The following DLG2 variants were observed in gnomAD, a reference collection of about 807,000 sequenced individuals.
The protein encoded by DLG2 is disks large homolog 2.
DLG2 carries 45 observed loss-of-function variants against 132.5 expected under a neutral mutation model. That is an observed-to-expected ratio of 0.34 (90% CI 0.27 to 0.44). The LOEUF is 0.44. DLG2 is among the 20% of genes least tolerant of loss of function. The probability of loss-of-function intolerance (pLI) is 1.00; values close to 1 mark genes in which losing one functional copy is unlikely to be tolerated. For missense variants in DLG2, 1,045 were observed against 1,196.9 expected, an observed-to-expected ratio of 0.87 and a Z score of 1.87; for synonymous variants, 424 against 419.6, an observed-to-expected ratio of 1.01 and a Z score of -0.13.
chr11:85,485,491 GTAAA>G (rs1183716917), intron 3 of DLG2, among the ~76,000 whole-genome samples: 1 of 152,134 alleles, frequency 6.6e-6, no homozygotes, highest in Non-Finnish European at 1.5e-5. Context: ...AACCAGAATA[GTAAA>G]TAAACACTTT....
intron 3 of DLG2, among the ~76,000 whole-genome samples, chr11:85,438,192 T>C (rs1407056572): frequency 6.6e-6 from 1 of 152,060 alleles, no homozygotes; most frequent in Non-Finnish European, 1.5e-5. Flanking sequence ...AACTCACTCA[T>C]TACCCTAAGG....
At chr11:84,609,436 C>CCGTAATTCT (rs1311051625) in intron 6 of DLG2, among the ~76,000 whole-genome samples, 6 of 152,008 alleles carry the variant, frequency 3.9e-5, no homozygotes, top group East Asian at 1.9e-4. Context: ...AAAAGAAGCA[C>CCGTAATTCT]CGTAATTCTC....
intron 18 of DLG2, among the ~76,000 whole-genome samples, chr11:83,753,464 G>A (rs1593672860): frequency 6.6e-6 from 1 of 151,572 alleles, no homozygotes; most frequent in East Asian, 1.9e-4. Flanking sequence ...CAAAAACTGA[G>A]ATCTCTCCAC....
intron 18 of DLG2, among the ~76,000 whole-genome samples, chr11:83,708,024 A>T (rs2084461943): frequency 6.6e-6 from 1 of 152,230 alleles, no homozygotes; most frequent in Non-Finnish European, 1.5e-5. Context: ...AAAAAGCATG[A>T]TACTAATTGT....
At chr11:84,221,484 T>A (rs2096915979) in intron 8 of DLG2, among the ~76,000 whole-genome samples, 1 of 151,846 alleles carries the variant, frequency 6.6e-6, no homozygotes. Context: ...AATAATAATA[T>A]TAAGAAGCAG....
In DLG2 at chr11:83,455,335, GAAA is replaced by G. The variant is rs1232640097; in HGVS notation, c.*4480_*4482del. ...CCATCCTGTGCTACAGCTCGGTGGA[GAAA>G]CATCCTGTCAGAGAGAAGCACAAAA... On this transcript the variant is annotated 3_prime_UTR_variant, in exon 28 of 28. Transcript: ENST00000376104. 6.6e-6 allele frequency: 1 copy of G among 152,620 alleles called. No individual in the cohort carries two copies. The highest frequency in any genetic ancestry group is 1.5e-5 in the Non-Finnish European group (1 of 68,072). The allele number at this position is 152,620 out of a possible 1,614,324, so 9.5% of individuals were successfully genotyped here.
At position 85,433,716 on chromosome 11, in the gene DLG2, T is replaced by C. The variant is rs371623138; in HGVS notation, c.41-148351A>G. Among the ~76,000 whole-genome samples, 8 of 152,202 alleles carry C rather than the reference T, an allele frequency of 5.3e-5. No individual in the cohort carries two copies. The East Asian group carries it at 7.7e-4, about 15-fold the overall frequency. ...AGACTTAGACTCCCACACAAGAATATTGGGAGACTTTAACACCCAGCTATC... is the reference window on the plus strand; with the variant it reads ...AGACTTAGACTCCCACACAAGAATACTGGGAGACTTTAACACCCAGCTATC... On this transcript the variant is annotated intron_variant, in intron 3 of 27. Coordinates refer to ENST00000376104, the MANE Select transcript of DLG2 (RefSeq NM_001142699.3).
At chr11:85,414,739 T>G (rs1381661165) in intron 3 of DLG2, among the ~76,000 whole-genome samples, 1 of 152,036 alleles carries the variant, frequency 6.6e-6, no homozygotes, top group African/African-American at 2.4e-5. Flanking sequence ...GTCTCATTTC[T>G]TACATCTATT....
intron 6 of DLG2, among the ~76,000 whole-genome samples, chr11:84,627,870 A>G (rs1196155054): frequency 6.6e-6 from 1 of 152,090 alleles, no homozygotes; most frequent in Non-Finnish European, 1.5e-5. Flanking sequence ...AGATCTCATG[A>G]GAACTCACTC....
At chr11:84,782,553 T>A (rs527249496) in intron 6 of DLG2, among the ~76,000 whole-genome samples, 3 of 152,114 alleles carry the variant, frequency 2.0e-5, no homozygotes, top group African/African-American at 7.2e-5. Context: ...CTGGAAGATC[T>A]ATGAATCCCG....
intron 3 of DLG2, among the ~76,000 whole-genome samples, chr11:85,528,896 A>G (rs2074986874): frequency 6.6e-6 from 1 of 152,214 alleles, no homozygotes; most frequent in Admixed American, 6.5e-5. Context: ...CAAGGGAAAT[A>G]CAGAGGTGTG....
At chr11:83,705,083 A>C (rs1230801605) in intron 18 of DLG2, among the ~76,000 whole-genome samples, 1 of 152,190 alleles carries the variant, frequency 6.6e-6, no homozygotes, top group Non-Finnish European at 1.5e-5. Context: ...TTAAAAAATA[A>C]AGCATAGACA....
intron 4 of DLG2, among the ~76,000 whole-genome samples, chr11:85,198,813 C>G (rs759491287): frequency 6.6e-4 from 101 of 152,250 alleles, no homozygotes; most frequent in Admixed American, 1.2e-3. Flanking sequence ...CCTCAAGTCA[C>G]TTGCCACACT....
intron 11 of DLG2, among the ~76,000 whole-genome samples, chr11:84,014,813 C>T (rs924387726): frequency 3.3e-5 from 5 of 151,362 alleles, no homozygotes; most frequent in Non-Finnish European, 7.4e-5. Context: ...GTGCACCTGC[C>T]TACATCCTAA....
intron 3 of DLG2, among the ~76,000 whole-genome samples, chr11:85,343,315 C>T (rs1451159383): frequency 6.6e-6 from 1 of 152,112 alleles, no homozygotes; most frequent in African/African-American, 2.4e-5. Context: ...CTGAATTTGT[C>T]TAACTGCTAC....
intron 4 of DLG2, among the ~76,000 whole-genome samples, chr11:85,222,932 T>G (rs769895009): frequency 6.6e-6 from 1 of 152,212 alleles, no homozygotes; most frequent in Non-Finnish European, 1.5e-5. Context: ...CTCAACAGTT[T>G]GTAAGAACCC....
At chr11:85,205,352 G>C (rs181484693) in intron 4 of DLG2, among the ~76,000 whole-genome samples, 298 of 152,024 alleles carry the variant, frequency 2.0e-3, no homozygotes, top group Non-Finnish European at 3.5e-3. Context: ...CATGGAGGTA[G>C]AAAATATAAT....
At chr11:85,024,358 C>G (rs1243087822) in intron 6 of DLG2, among the ~76,000 whole-genome samples, 2 of 152,112 alleles carry the variant, frequency 1.3e-5, no homozygotes, top group Non-Finnish European at 2.9e-5. Flanking sequence ...GTTAAACAAC[C>G]TCAAGGTAAA....
At chr11:84,658,812 TG>T (rs1423606569) in intron 6 of DLG2, among the ~76,000 whole-genome samples, 1 of 152,190 alleles carries the variant, frequency 6.6e-6, no homozygotes, top group African/African-American at 2.4e-5. Flanking sequence ...TACAGCCTGC[TG>T]AACTATAAGC....
Sources: allele counts gnomAD v4.1 joint callset (sites outside exome capture counted in the v4.1 genomes callset), GRCh38; gene constraint gnomAD v4.1.1; transcripts MANE v1.5; gene names NCBI Gene and HGNC (gene_info 2026-07-23, HGNC 2026-07-21).